The following PDS5B variants were observed in gnomAD, a reference collection of about 807,000 sequenced individuals.
The protein encoded by PDS5B is sister chromatid cohesion protein PDS5 homolog B.
A neutral mutation model predicts 184.1 loss-of-function variants in PDS5B; 51 were observed. That is an observed-to-expected ratio of 0.28 (90% CI 0.22 to 0.35). The LOEUF is 0.35. Ranked by LOEUF, PDS5B falls within the 10% of genes least tolerant of loss-of-function variation. The pLI is 1.00. For synonymous variants in PDS5B, 566 were observed against 569.2 expected, an observed-to-expected ratio of 0.99 and a Z score of 0.08; for missense variants, 1,180 against 1,723.3, an observed-to-expected ratio of 0.68 and a Z score of 5.58.
intron 3 of PDS5B, among the ~76,000 whole-genome samples, chr13:32,652,802 G>A (rs558474808): frequency 4.0e-5 from 6 of 151,210 alleles, no homozygotes; most frequent in Non-Finnish European, 7.4e-5. Flanking sequence ...TAATGGAAAG[G>A]TACAAAAGAC....
intron 1 of PDS5B, among the ~76,000 whole-genome samples, chr13:32,598,057 G>A (rs1424734337): frequency 6.6e-6 from 1 of 151,790 alleles, no homozygotes; most frequent in Non-Finnish European, 1.5e-5. Flanking sequence ...CAGTTTACTG[G>A]GATTTTAATT....
chr13:32,687,433 C>G, intron 12 of PDS5B, 148 bp downstream of exon 12: 1 of 568,734 alleles, frequency 1.8e-6, no homozygotes, highest in Admixed American at 3.8e-5. Flanking sequence ...GGGCTCATTC[C>G]CACCCAAGCC....
intron 1 of PDS5B, among the ~76,000 whole-genome samples, chr13:32,629,957 A>G (rs117059509): frequency 0.022 from 3,304 of 152,328 alleles, 56 homozygotes; most frequent in Non-Finnish European, 0.035. Flanking sequence ...TTAATGGGTT[A>G]CTTAATGAAA....
intron 1 of PDS5B, among the ~76,000 whole-genome samples, chr13:32,613,132 C>T (rs1285328143): frequency 6.6e-6 from 1 of 152,162 alleles, no homozygotes; most frequent in Non-Finnish European, 1.5e-5. Flanking sequence ...TTACATTTTG[C>T]TTATCAGTTT....
chr13:32,751,965 A>C (rs1953997973), intron 24 of PDS5B, among the ~76,000 whole-genome samples: 1 of 152,170 alleles, frequency 6.6e-6, no homozygotes, highest in African/African-American at 2.4e-5. Context: ...ATGAGATGTT[A>C]TGACCAAGAT....
At chr13:32,652,965 A>G (rs999960319) in intron 3 of PDS5B, among the ~76,000 whole-genome samples, 8 of 152,190 alleles carry the variant, frequency 5.3e-5, no homozygotes, top group Non-Finnish European at 8.8e-5. Context: ...CTGAATGTTT[A>G]TAAGGCAGAT....
Position 32,600,776 on chromosome 13 carries a change from C to T in PDS5B, c.-20+14183C>T, listed in dbSNP as rs79227583. 7.2e-3 allele frequency among the ~76,000 whole-genome samples: 1,099 copies of T among 152,284 alleles called. 10 individuals carry two copies. Among genetic ancestry groups the T allele is most frequent in the African/African-American group, 0.025 (1,038 of 41,556 alleles). On this transcript the variant is annotated intron_variant, in intron 1 of 34. Coordinates refer to ENST00000315596, the MANE Select transcript of PDS5B (RefSeq NM_015032.4). Reference sequence around the variant, plus strand: ...AAAAAATTTGAGGTGTTTACCAAGCCCTTCTCACTTGTCCAAACTTAAAGC... The same window carrying T: ...AAAAAATTTGAGGTGTTTACCAAGCTCTTCTCACTTGTCCAAACTTAAAGC...
At chr13:32,745,084 A>G (rs946567918) in intron 23 of PDS5B, among the ~76,000 whole-genome samples, 9 of 152,190 alleles carry the variant, frequency 5.9e-5, no homozygotes. Flanking sequence ...AATTCTATGA[A>G]TTGTGCTTCA....
intron 19 of PDS5B, among the ~76,000 whole-genome samples, chr13:32,718,799 A>G (rs559513821): frequency 1.3e-5 from 2 of 152,356 alleles, no homozygotes; most frequent in South Asian, 4.1e-4. Flanking sequence ...TATATAACCA[A>G]CAATCATTTA....
intron 20 of PDS5B, among the ~76,000 whole-genome samples, chr13:32,734,812 G>A (rs556741012): frequency 2.0e-5 from 3 of 152,278 alleles, no homozygotes; most frequent in African/African-American, 7.2e-5. Context: ...TTATGCCCAG[G>A]AAATTGAAGT....
chr13:32,755,805 T>G, intron 25 of PDS5B, 37 bp from the exon 26 acceptor site: 1 of 1,032,186 alleles, frequency 9.7e-7, no homozygotes, highest in Non-Finnish European at 1.4e-6. Flanking sequence ...CTTTTTCTTT[T>G]GTTTTTTTTT....
chr13:32,714,903 G>C (rs1566361967), intron 19 of PDS5B, among the ~76,000 whole-genome samples: 2 of 152,200 alleles, frequency 1.3e-5, no homozygotes. Context: ...ACAGGCATAG[G>C]AAATCACAAG....
intron 14 of PDS5B, among the ~76,000 whole-genome samples, chr13:32,695,295 T>C (rs535431716): frequency 1.3e-5 from 2 of 152,130 alleles, no homozygotes; most frequent in East Asian, 3.9e-4. Context: ...ATAACCTTTT[T>C]TCTGTGATTA....
At chr13:32,630,127 T>C (rs893052563) in intron 1 of PDS5B, among the ~76,000 whole-genome samples, 9 of 152,176 alleles carry the variant, frequency 5.9e-5, no homozygotes, top group African/African-American at 2.2e-4. Context: ...TTTTTGACGA[T>C]AGATGTTAGA....
intron 17 of PDS5B, among the ~76,000 whole-genome samples, chr13:32,702,374 G>A (rs973423243): frequency 5.0e-4 from 76 of 152,290 alleles, no homozygotes; most frequent in African/African-American, 1.7e-3. Context: ...ATATTTGTAA[G>A]AGGAAGACTC....
intron 7 of PDS5B, among the ~76,000 whole-genome samples, chr13:32,672,913 C>G (rs1950974515): frequency 6.6e-6 from 1 of 152,082 alleles, no homozygotes; most frequent in Non-Finnish European, 1.5e-5. Flanking sequence ...AATTAACCAT[C>G]CAGAAATATG....
At chr13:32,747,312 C>T (rs1450543094) in intron 24 of PDS5B, among the ~76,000 whole-genome samples, 1 of 152,154 alleles carries the variant, frequency 6.6e-6, no homozygotes, top group African/African-American at 2.4e-5. Flanking sequence ...GTGATCATTG[C>T]AATTCTTCCT....
chr13:32,629,843 C>G (rs1452163528), intron 1 of PDS5B, among the ~76,000 whole-genome samples: 2 of 152,066 alleles, frequency 1.3e-5, no homozygotes, highest in Admixed American at 1.3e-4. Flanking sequence ...TTTCTCTTGT[C>G]CCAGTTTTCT....
At chr13:32,683,082 A>C (rs1280382308) in intron 10 of PDS5B, among the ~76,000 whole-genome samples, 1 of 151,844 alleles carries the variant, frequency 6.6e-6, no homozygotes, top group Non-Finnish European at 1.5e-5. Flanking sequence ...GCACGATCTC[A>C]GCTCACAGCA....
Sources: gnomAD v4.1 joint callset for allele counts (sites outside exome capture counted in the v4.1 genomes callset) on GRCh38, gnomAD v4.1.1 for gene constraint, MANE v1.5 for transcripts, NCBI Gene and HGNC (gene_info 2026-07-23, HGNC 2026-07-21) for gene names.